The following LMOD2 variants were observed in gnomAD, a reference collection of about 807,000 sequenced individuals.
The protein encoded by LMOD2 is leiomodin 2.
In LMOD2, 27 loss-of-function variants were observed where a neutral mutation model predicts 41.7. The observed-to-expected ratio is 0.65, with a 90% CI of 0.48 to 0.89. LMOD2 has a LOEUF of 0.89. Among genes scored for constraint, LMOD2 ranks in the 40% least tolerant of loss-of-function variants. The pLI, the probability that LMOD2 is intolerant of heterozygous loss-of-function variation, is 0.00. For missense variants in LMOD2, 624 were observed against 667.9 expected (o/e 0.93, Z 0.72); for synonymous variants, 251 against 244.6 (o/e 1.03, Z -0.25).
At position 123,663,116 on chromosome 7, in the gene LMOD2, C is replaced by A; in HGVS notation, c.1530C>A (p.Asp510Glu). The change falls in exon 2 of 3, where the codon GAC becomes GAA. Residue 510 changes from aspartate (D) to glutamate (E), a missense_variant. Asp to Glu is a conservative substitution (Grantham distance 45). Transcript: ENST00000458573. ...LRSVQEKKME[D>E]SSRPSTPQRS... The stretch of plus-strand genomic sequence containing the variant: ...CAGTGCAAGAGAAGAAAATGGAAGA[C>A]AGTTCCCGACCTTCTACCCCACAGA... 1 of 1,564,564 alleles carries A rather than the reference C, an allele frequency of 6.4e-7. No homozygotes were observed. Among genetic ancestry groups the A allele is most frequent in the East Asian group, 2.4e-5 (1 of 41,972 alleles).
Position 123,662,829 on chromosome 7 carries a change from C to G in LMOD2, c.1243C>G (p.Leu415Val), listed in dbSNP as rs764595750. The change falls in exon 2 of 3, where the codon CTG becomes GTG. Residue 415 changes from leucine (L) to valine (V), a missense_variant. Coordinates refer to ENST00000458573, the MANE Select transcript of LMOD2 (RefSeq NM_207163.3). The surrounding 1 kb of genome is among the most constrained non-coding windows in gnomAD (Gnocchi z 4.0). ...KKVQTVRSRP[L>V]SPVATPPPPP... ...AGTCCAGACTGTGAGGAGCCGTCCTCTGTCTCCTGTGGCCACACCTCCTCC... is the reference window on the plus strand; with the variant it reads ...AGTCCAGACTGTGAGGAGCCGTCCTGTGTCTCCTGTGGCCACACCTCCTCC... 6.2e-7 allele frequency: 1 copy of G among 1,612,628 alleles called. No homozygotes were observed. The highest frequency in any genetic ancestry group is 1.3e-5 in the African/African-American group (1 of 74,820).
Position 123,663,853 on chromosome 7 carries a change from TA to T in LMOD2, c.*113del. On this transcript the variant is annotated 3_prime_UTR_variant, in exon 3 of 3. Transcript: ENST00000458573. ...TTCAATTCAAAATGATCCCTGACTT[TA>T]AAAATAATCTCACCCATTAATTCCA... 1.2e-6 allele frequency: 1 copy of T among 853,612 alleles called. No homozygotes were observed. The highest frequency in any genetic ancestry group is 2.9e-5 in the East Asian group (1 of 34,976). 52.9% of individuals were successfully genotyped at this position (853,612 alleles called of 1,614,324 possible).
In LMOD2 at chr7:123,662,997, C is replaced by T. The variant is rs763740231; in HGVS notation, c.1411C>T (p.Arg471Trp). ...EVIKQQESAQ[R>W]ALQNGQKKKK... is the part of the protein sequence containing the mutation. ...CATCAAACAACAGGAGAGTGCCCAA[C>T]GGGCATTACAAAATGGACAAAAAAA... Residue 471 changes from arginine (R) to tryptophan (W), a missense_variant, in exon 2 of 3, where the codon CGG (arginine) becomes TGG (tryptophan). Arg to Trp is a moderately radical substitution (Grantham distance 101). Coordinates refer to ENST00000458573, the MANE Select transcript of LMOD2 (RefSeq NM_207163.3). This position sits in a 1 kb window ranked among gnomAD's most constrained non-coding sequence, Gnocchi z 4.0. 3.2e-5 allele frequency: 49 copies of T among 1,552,140 alleles called. No homozygotes were observed. The highest frequency in any genetic ancestry group is 4.1e-5 in the Non-Finnish European group (47 of 1,147,588).
chr7:123,662,852 T>C lies in LMOD2; in HGVS notation c.1266T>C (p.Pro422=), dbSNP rs1468216438. 8.8e-6 allele frequency: 14 copies of C among 1,595,958 alleles called. No individual in the cohort carries two copies. The highest frequency in any genetic ancestry group is 1.7e-5 in the Admixed American group (1 of 57,622). Residue 422 remains proline, a synonymous_variant, in exon 2 of 3, where the codon CCT becomes CCC. Coordinates refer to ENST00000458573, the MANE Select transcript of LMOD2 (RefSeq NM_207163.3). This position sits in a 1 kb window ranked among gnomAD's most constrained non-coding sequence, Gnocchi z 4.0. ...SRPLSPVATP[P]PPPPPPPPPP... Reference sequence around the variant, plus strand: ...CTCTGTCTCCTGTGGCCACACCTCCTCCTCCTCCCCCTCCTCCTCCTCCTC... The same window carrying C: ...CTCTGTCTCCTGTGGCCACACCTCCCCCTCCTCCCCCTCCTCCTCCTCCTC...
rs1322854074 is a variant in LMOD2, at chr7:123,663,845, C to A, written c.*100C>A. 2.2e-6 allele frequency: 2 copies of A among 927,152 alleles called. No homozygotes were observed. Among genetic ancestry groups the A allele is most frequent in the African/African-American group, 1.7e-5 (1 of 59,656 alleles). The allele number at this position is 927,152 out of a possible 1,614,324, so 57.4% of individuals were successfully genotyped here. ...ATACCTTCTTCAATTCAAAATGATC[C>A]CTGACTTTAAAAATAATCTCACCCA... On this transcript the variant is annotated 3_prime_UTR_variant, in exon 3 of 3. Coordinates refer to ENST00000458573, the MANE Select transcript of LMOD2 (RefSeq NM_207163.3).
At chr7:123,657,320 T>C (rs1304273819) in intron 1 of LMOD2, among the ~76,000 whole-genome samples, 2 of 152,200 alleles carry the variant, frequency 1.3e-5, no homozygotes, top group African/African-American at 4.8e-5. Context: ...GTTGGAATCA[T>C]CTAAAATCAA....
At position 123,656,245 on chromosome 7, in the gene LMOD2, T is replaced by C; in HGVS notation, c.273+9T>C. ...TGGGGGAATGTGGAAAGGTAGGCTCTCGGGACTTTTCCTTGGCTAACCCCA... is the reference window on the plus strand; with the variant it reads ...TGGGGGAATGTGGAAAGGTAGGCTCCCGGGACTTTTCCTTGGCTAACCCCA... On this transcript the variant is annotated intron_variant, in intron 1 of 2. Coordinates refer to ENST00000458573, the MANE Select transcript of LMOD2 (RefSeq NM_207163.3). The C allele has an allele frequency of 1.3e-6, 2 of 1,595,840 alleles. No homozygotes were observed. The highest frequency in any genetic ancestry group is 1.7e-6 in the Non-Finnish European group (2 of 1,170,994).
At position 123,663,786 on chromosome 7, in the gene LMOD2, T is replaced by TC. The variant is rs1802929478; in HGVS notation, c.*41_*42insC. The TC allele has an allele frequency of 6.5e-7, 1 of 1,533,836 alleles. No homozygotes were observed. On this transcript the variant is annotated 3_prime_UTR_variant, in exon 3 of 3. Coordinates refer to ENST00000458573, the MANE Select transcript of LMOD2 (RefSeq NM_207163.3). ...AAGAGGATGCAGAACTGTTCAGTGGTATTACATGAAATGCATTGTGAGATG... is the reference window on the plus strand; with the variant it reads ...AAGAGGATGCAGAACTGTTCAGTGGTCATTACATGAAATGCATTGTGAGATG...
At chr7:123,657,197 ATTCTCT>A (rs1348723687) in intron 1 of LMOD2, among the ~76,000 whole-genome samples, 2 of 152,218 alleles carry the variant, frequency 1.3e-5, no homozygotes, top group Non-Finnish European at 2.9e-5. Context: ...AAAGACTATT[ATTCTCT>A]GGGAAAACAG....
In LMOD2 at chr7:123,659,063, C is replaced by T. The variant is rs116200908; in HGVS notation, c.274-2797C>T. On this transcript the variant is annotated intron_variant, in intron 1 of 2. Transcript: ENST00000458573. The stretch of plus-strand genomic sequence containing the variant: ...CTAATAGCCTACTGTGGACAGAAGC[C>T]TTACCAATAACATAAACGGTCAATT... 5.5e-3 allele frequency among the ~76,000 whole-genome samples: 834 copies of T among 152,278 alleles called. 9 individuals carry two copies. The highest frequency in any genetic ancestry group is 0.019 in the African/African-American group (798 of 41,552).
At position 123,656,166 on chromosome 7, in the gene LMOD2, C is replaced by T; in HGVS notation, c.203C>T (p.Ala68Val). 1.2e-6 allele frequency: 2 copies of T among 1,609,860 alleles called. No homozygotes were observed. The highest frequency in any genetic ancestry group is 1.7e-6 in the Non-Finnish European group (2 of 1,178,156). Residue 68 changes from alanine (A) to valine (V), a missense_variant, in exon 1 of 3, where the codon GCA (alanine) becomes GTA (valine). Physicochemically the swap from Ala to Val is moderately conservative, Grantham distance 64. Coordinates refer to ENST00000458573, the MANE Select transcript of LMOD2 (RefSeq NM_207163.3). The stretch of plus-strand genomic sequence containing the variant: ...CCCACAGGGACATTCAGCAGAGAGG[C>T]ACTGATGGCCTATTGGGAAAAGGAG... The part of the protein sequence containing the change: ...KTPTGTFSRE[A>V]LMAYWEKESQ...
Position 123,662,349 on chromosome 7 carries a change from A to C in LMOD2, c.763A>C (p.Ser255Arg). The C allele has an allele frequency of 1.9e-6, 3 of 1,613,960 alleles. No homozygotes were observed. Among genetic ancestry groups the C allele is most frequent in the Non-Finnish European group, 2.5e-6 (3 of 1,179,878 alleles). ...TCTGGCCAACACGCATGCCGACGACAGTGCAGCCATGGCCATTGCAGAGAT... is the reference window on the plus strand; with the variant it reads ...TCTGGCCAACACGCATGCCGACGACCGTGCAGCCATGGCCATTGCAGAGAT... ...FSLANTHADD[S>R]AAMAIAEMLK... The change falls in exon 2 of 3, where the codon AGT (serine) becomes CGT (arginine). Residue 255 changes from serine (S) to arginine (R), a missense_variant. Coordinates refer to ENST00000458573, the MANE Select transcript of LMOD2 (RefSeq NM_207163.3). This position sits in a 1 kb window ranked among gnomAD's most constrained non-coding sequence, Gnocchi z 4.0.
chr7:123,658,421 G>C (rs1802824619), intron 1 of LMOD2, among the ~76,000 whole-genome samples: 1 of 152,186 alleles, frequency 6.6e-6, no homozygotes. Flanking sequence ...AGCCATAAAG[G>C]AAGGACCCTG....
rs1189083550 is a variant in LMOD2, at chr7:123,662,881, C to G, written c.1295C>G (p.Pro432Arg). The G allele has an allele frequency of 1.9e-6, 3 of 1,557,502 alleles. No homozygotes were observed. In the African/African-American group the frequency reaches 4.1e-5, roughly 21 times the overall value. The change falls in exon 2 of 3, where the codon CCT becomes CGT. Residue 432 changes from proline (P) to arginine (R), a missense_variant. Pro to Arg is a moderately radical substitution (Grantham distance 103, BLOSUM62 -2). Transcript: ENST00000458573. The surrounding 1 kb of genome is among the most constrained non-coding windows in gnomAD (Gnocchi z 4.0). Reference sequence around the variant, plus strand: ...CCTCCCCCTCCTCCTCCTCCTCCCCCTCCTTCTTCCCAAAGGCTGCCACCA... The same window carrying G: ...CCTCCCCCTCCTCCTCCTCCTCCCCGTCCTTCTTCCCAAAGGCTGCCACCA... ...PPPPPPPPPPPPSSQRLPPPP... is the reference protein window; with the variant it reads ...PPPPPPPPPPRPSSQRLPPPP...
chr7:123,663,045 A>G lies in LMOD2; in HGVS notation c.1459A>G (p.Lys487Glu), dbSNP rs750369767. The stretch of plus-strand genomic sequence containing the variant: ...AAAGAAAAAAGGGAAAAAGGTCAAG[A>G]AACAGCCAAACAGTATTCTAAAGGA... ...QKKKKGKKVK[K>E]QPNSILKEIK... The change falls in exon 2 of 3, where the codon AAA becomes GAA. Residue 487 changes from lysine to glutamate, a missense_variant. Transcript: ENST00000458573. 5.1e-6 allele frequency: 8 copies of G among 1,554,178 alleles called. No homozygotes were observed. The highest frequency in any genetic ancestry group is 2.4e-5 in the South Asian group (2 of 83,840).
intron 1 of LMOD2, among the ~76,000 whole-genome samples, chr7:123,660,549 C>T (rs1802861134): frequency 6.6e-6 from 1 of 151,574 alleles, no homozygotes; most frequent in African/African-American, 2.4e-5. Context: ...TTTTCCAAAG[C>T]TAGATCTACA....
chr7:123,656,272 C>G (rs774730739), intron 1 of LMOD2, 36 bp downstream of exon 1: 25 of 1,562,496 alleles, frequency 1.6e-5, no homozygotes, highest in Non-Finnish European at 2.0e-5. Context: ...CTAACCCCAC[C>G]TCCCCATCAC....
chr7:123,657,644 C>T (rs1370440108), intron 1 of LMOD2, among the ~76,000 whole-genome samples: 1 of 151,758 alleles, frequency 6.6e-6, no homozygotes, highest in Non-Finnish European at 1.5e-5. Flanking sequence ...ATAACAATGA[C>T]ATTATCATCA....
Position 123,656,008 on chromosome 7 carries a change from C to T in LMOD2, c.45C>T (p.Ser15=). The change falls in exon 1 of 3, where the codon TCC becomes TCT. Residue 15 remains serine (S), a synonymous_variant. Coordinates refer to ENST00000458573, the MANE Select transcript of LMOD2 (RefSeq NM_207163.3). ...GAAGAGGACTCAGTAAATACGAATC[C>T]ATCGACGAGGATGAACTCCTCGCCT... is the stretch of plus-strand genomic sequence containing the variant. ...GYRRGLSKYE[S]IDEDELLASL... 6.2e-7 allele frequency: 1 copy of T among 1,609,332 alleles called. No individual in the cohort carries two copies. Among genetic ancestry groups the T allele is most frequent in the Non-Finnish European group, 8.5e-7 (1 of 1,178,038 alleles).
Sources: allele counts gnomAD v4.1 joint callset (sites outside exome capture counted in the v4.1 genomes callset), GRCh38; gene constraint gnomAD v4.1.1; non-coding constraint Gnocchi (gnomAD v3.1); transcripts MANE v1.5; gene names NCBI Gene and HGNC (gene_info 2026-07-23, HGNC 2026-07-21).